Variants in RAPGEF5 observed in about 807,000 individuals in gnomAD.
RAPGEF5 encodes Rap guanine nucleotide exchange factor 5, also known as M-Ras-regulated GEF.
Under a neutral mutation model 125.2 loss-of-function variants are expected in RAPGEF5, and 65 were observed. The observed-to-expected ratio is 0.52, with a 90% confidence interval of 0.43 to 0.64. RAPGEF5 has a LOEUF of 0.64. Ranked by LOEUF, RAPGEF5 falls within the 30% of genes least tolerant of loss-of-function variation. RAPGEF5 has a pLI of 0.00. For missense variants in RAPGEF5, 958 were observed against 1,048.1 expected (o/e 0.91, Z 1.19); for synonymous variants, 391 against 385.9 (o/e 1.01, Z -0.16).
In RAPGEF5 at chr7:22,129,937, C is replaced by T. The variant is rs1183363007; in HGVS notation, c.2481+1100G>A. On this transcript the variant is annotated intron_variant, in intron 24 of 25. Coordinates refer to ENST00000665637, the MANE Select transcript of RAPGEF5 (RefSeq NM_012294.5). ...TGGGGAGTTGGCTGGGTAAGCAGAGCAATGTACTTCTGAGGCAAAGGTCAG... is the reference window on the plus strand; with the variant it reads ...TGGGGAGTTGGCTGGGTAAGCAGAGTAATGTACTTCTGAGGCAAAGGTCAG... Among the ~76,000 whole-genome samples the T allele has an allele frequency of 2.6e-5, 4 of 152,084 alleles. No individual in the cohort carries two copies. The East Asian group carries it at 5.8e-4, about 22-fold the overall frequency.
rs781559633 is a variant in RAPGEF5 at position 22,145,181 on chromosome 7, C to A, written c.2049G>T (p.Gly683=). Residue 683 remains glycine (G), a synonymous_variant, in exon 20 of 26, where the codon GGG becomes GGT. Transcript: ENST00000665637. ...IYFTFSRQGS[G]EHTANLSLLL... Reference sequence around the variant, plus strand: ...GAAGGCTGAGATTTGCAGTGTGTTCCCCACTTCCCTGTCTGCTGAACGTGA... The same window carrying A: ...GAAGGCTGAGATTTGCAGTGTGTTCACCACTTCCCTGTCTGCTGAACGTGA... The A allele has an allele frequency of 7.4e-6, 12 of 1,613,158 alleles. No homozygotes were observed. The highest frequency in any genetic ancestry group is 9.3e-6 in the Non-Finnish European group (11 of 1,179,596).
chr7:22,150,313 T>C (rs969249536), intron 18 of RAPGEF5, 94 bp downstream of exon 18: 5 of 1,275,680 alleles, frequency 3.9e-6, no homozygotes, highest in African/African-American at 1.5e-5. Context: ...GCTCAAGCCA[T>C]CTTCCTGCCT....
intron 11 of RAPGEF5, 180 bp downstream of exon 11, chr7:22,193,187 T>C: frequency 4.6e-6 from 3 of 653,788 alleles, no homozygotes; most frequent in Admixed American, 5.9e-5. Flanking sequence ...GCTTGGGATC[T>C]ACATGTGTCC....
intron 21 of RAPGEF5, among the ~76,000 whole-genome samples, chr7:22,137,923 G>A (rs1265845693): frequency 1.3e-5 from 2 of 152,008 alleles, no homozygotes; most frequent in African/African-American, 4.8e-5. Context: ...ACATTATTTA[G>A]AGATAGATTT....
intron 11 of RAPGEF5, among the ~76,000 whole-genome samples, chr7:22,189,130 C>T (rs1015478252): frequency 2.0e-5 from 3 of 149,128 alleles, no homozygotes; most frequent in African/African-American, 4.9e-5. Context: ...TAGGCTTTAC[C>T]TATTCCTACT....
At chr7:22,143,050 G>A (rs1359284703) in intron 20 of RAPGEF5, among the ~76,000 whole-genome samples, 2 of 152,090 alleles carry the variant, frequency 1.3e-5, no homozygotes, top group Non-Finnish European at 2.9e-5. Context: ...CTTATAGTGG[G>A]AACTGAGCTG....
In RAPGEF5 at chr7:22,154,734, TAC is replaced by T. The variant is rs1197399449; in HGVS notation, c.1637-132_1637-131del. On this transcript the variant is annotated intron_variant, in intron 16 of 25. Coordinates refer to ENST00000665637, the MANE Select transcript of RAPGEF5 (RefSeq NM_012294.5). ...TGGCTATTCTCTTCAGTATAACACA[TAC>T]AGAGTTAGATTTTTTATATATGTAC... 5.0e-5 allele frequency: 48 copies of T among 956,116 alleles called. 1 individual carries two copies. Among genetic ancestry groups the T allele is most frequent in the Non-Finnish European group, 7.0e-5 (47 of 671,238 alleles). The allele number at this position is 956,116 out of a possible 1,614,324, so 59.2% of individuals were successfully genotyped here.
At chr7:22,260,531 G>C (rs1349713126) in intron 7 of RAPGEF5, among the ~76,000 whole-genome samples, 1 of 88,428 alleles carries the variant, frequency 1.1e-5, no homozygotes, top group African/African-American at 5.1e-5. Context: ...ATTAGGACCA[G>C]TAAAAAAAAA....
intron 11 of RAPGEF5, among the ~76,000 whole-genome samples, chr7:22,168,498 T>C (rs1784243225): frequency 6.6e-6 from 1 of 151,690 alleles, no homozygotes; most frequent in Non-Finnish European, 1.5e-5. Context: ...CACTCAATAG[T>C]GCTTATGGTC....
chr7:22,222,889 A>G (rs1232151534), intron 8 of RAPGEF5, among the ~76,000 whole-genome samples: 1 of 152,110 alleles, frequency 6.6e-6, no homozygotes, highest in African/African-American at 2.4e-5. Flanking sequence ...ACCACTGGAT[A>G]TATTTCAAAG....
chr7:22,267,146 T>C, intron 6 of RAPGEF5, 134 bp from the exon 7 acceptor site: 1 of 772,908 alleles, frequency 1.3e-6, no homozygotes, highest in Non-Finnish European at 2.0e-6. Context: ...GCCAGCACTT[T>C]TTTGATTTTT....
chr7:22,247,722 C>T (rs1048029528), intron 7 of RAPGEF5, among the ~76,000 whole-genome samples: 6 of 150,770 alleles, frequency 4.0e-5, no homozygotes, highest in African/African-American at 1.2e-4. Flanking sequence ...TAAAACCAAC[C>T]TAGAGACCCA....
At chr7:22,267,161 G>A (rs1449005680) in intron 6 of RAPGEF5, 149 bp from the exon 7 acceptor site, 5 of 656,128 alleles carry the variant, frequency 7.6e-6, no homozygotes, top group Middle Eastern at 3.3e-4. Context: ...ATTTTTGCTT[G>A]TTTTTAGTAC....
chr7:22,182,150 T>A (rs1472082425), intron 11 of RAPGEF5, among the ~76,000 whole-genome samples: 1 of 152,190 alleles, frequency 6.6e-6, no homozygotes, highest in Admixed American at 6.5e-5. Flanking sequence ...GATAGAATGC[T>A]AAATTTTACT....
intron 18 of RAPGEF5, among the ~76,000 whole-genome samples, chr7:22,147,866 T>A (rs1045643172): frequency 3.9e-5 from 6 of 152,272 alleles, no homozygotes; most frequent in African/African-American, 1.2e-4. Flanking sequence ...CATAGTAGGA[T>A]AAAGGGAATA....
intron 6 of RAPGEF5, among the ~76,000 whole-genome samples, chr7:22,285,422 T>C (rs1703619578): frequency 6.6e-6 from 1 of 152,206 alleles, no homozygotes; most frequent in African/African-American, 2.4e-5. Context: ...TAAACCTCTC[T>C]TTTTAAAGAT....
chr7:22,148,114 C>G (rs1269023256), intron 18 of RAPGEF5, among the ~76,000 whole-genome samples: 1 of 152,098 alleles, frequency 6.6e-6, no homozygotes, highest in East Asian at 1.9e-4. Context: ...CCAAACGAAC[C>G]AGCTAACAAA....
chr7:22,331,951 T>C (rs945111443), intron 1 of RAPGEF5, among the ~76,000 whole-genome samples: 5 of 152,128 alleles, frequency 3.3e-5, no homozygotes, highest in Non-Finnish European at 5.9e-5. Context: ...CATCAAAGTA[T>C]TGTTAAAATT....
At chr7:22,197,894 G>GGT (rs1554327495) in intron 9 of RAPGEF5, among the ~76,000 whole-genome samples, 4 of 21,348 alleles carry the variant, frequency 1.9e-4, no homozygotes, top group South Asian at 8.2e-4. Context: ...CTTTTTTTTT[G>GGT]GGGGGGGGTG....
Sources: gnomAD v4.1 joint callset for allele counts (sites outside exome capture counted in the v4.1 genomes callset) on GRCh38, gnomAD v4.1.1 for gene constraint, MANE v1.5 for transcripts, NCBI Gene and HGNC (gene_info 2026-07-23, HGNC 2026-07-21) for gene names.